Variants in KCNMA1 observed in about 807,000 individuals in gnomAD.
KCNMA1 encodes the protein potassium calcium-activated channel subfamily M alpha 1, also known as Calcium-activated potassium channel subunit alpha-1.
KCNMA1 carries 29 observed loss-of-function variants against 140.0 expected under a neutral mutation model. The ratio of observed to expected loss-of-function variants is 0.21; its 90% CI spans 0.15 to 0.28. The LOEUF (loss-of-function observed/expected upper bound fraction) is 0.28. KCNMA1 is among the 10% of genes least tolerant of loss of function. KCNMA1 has a pLI of 1.00. For missense variants in KCNMA1, 880 were observed against 1,602.2 expected, an observed-to-expected ratio of 0.55 and a Z score of 7.70; for synonymous variants, 612 against 611.9, an observed-to-expected ratio of 1.00 and a Z score of 0.00.
chr10:77,200,864 C>T (rs1217106581), intron 3 of KCNMA1, among the ~76,000 whole-genome samples: 2 of 152,150 alleles, frequency 1.3e-5, no homozygotes, highest in Non-Finnish European at 2.9e-5. Flanking sequence ...AGAAAAATTA[C>T]AGTGAACACT....
chr10:77,108,471 G>C lies in KCNMA1; in HGVS notation c.1223+10C>G, dbSNP rs778804771. 1 of 1,610,882 alleles carries C rather than the reference G, an allele frequency of 6.2e-7. No homozygotes were observed. The highest frequency in any genetic ancestry group is 1.1e-5 in the South Asian group (1 of 90,990). On this transcript the variant is annotated intron_variant, in intron 9 of 27. Transcript: ENST00000286628. This position sits in a 1 kb window ranked among gnomAD's most constrained non-coding sequence, Gnocchi z 4.6. Reference sequence around the variant, plus strand: ...GCAGCAGAGGCAGCAAAACCTCTTGGCATACTTACTTTCTTCCACTAACCG... The same window carrying C: ...GCAGCAGAGGCAGCAAAACCTCTTGCCATACTTACTTTCTTCCACTAACCG...
At chr10:77,520,175 GC>G (rs2052634804) in intron 1 of KCNMA1, among the ~76,000 whole-genome samples, 1 of 3,526 alleles carries the variant, frequency 2.8e-4, no homozygotes, top group East Asian at 7.6e-3. Context: ...CAGTGTGAGG[GC>G]TGGGGTATGC....
chr10:77,545,210 C>G (rs1394661602), intron 1 of KCNMA1, among the ~76,000 whole-genome samples: 2 of 152,222 alleles, frequency 1.3e-5, no homozygotes, highest in East Asian at 1.9e-4. Context: ...TCCCAACTCC[C>G]TGGGTTAACT....
At chr10:77,564,795 G>T (rs768853521) in intron 1 of KCNMA1, among the ~76,000 whole-genome samples, 2 of 152,174 alleles carry the variant, frequency 1.3e-5, no homozygotes, top group African/African-American at 2.4e-5. Flanking sequence ...ATAGCAGAGG[G>T]AAGACAAGCT....
chr10:76,923,402 C>G (rs1473722847), intron 23 of KCNMA1, among the ~76,000 whole-genome samples: 1 of 148,344 alleles, frequency 6.7e-6, no homozygotes, highest in Admixed American at 6.8e-5. Flanking sequence ...GCACTCCAGC[C>G]TGGGCAACAA....
intron 16 of KCNMA1, among the ~76,000 whole-genome samples, chr10:77,021,849 G>C (rs184229790): frequency 6.6e-6 from 1 of 152,308 alleles, no homozygotes; most frequent in Admixed American, 6.5e-5. Flanking sequence ...TCCAGTCCTT[G>C]AAATAATGAA....
chr10:77,546,302 C>T (rs1340774512), intron 1 of KCNMA1, among the ~76,000 whole-genome samples: 1 of 152,020 alleles, frequency 6.6e-6, no homozygotes, highest in Non-Finnish European at 1.5e-5. Context: ...CACTGAATTC[C>T]CAGCTCACTG....
At chr10:77,026,018 T>C (rs903857344) in intron 16 of KCNMA1, among the ~76,000 whole-genome samples, 11 of 148,960 alleles carry the variant, frequency 7.4e-5, no homozygotes, top group African/African-American at 2.5e-4. Context: ...TATATATATA[T>C]ACTAAAAACT....
chr10:77,610,291 AC>A (rs1311164765), intron 1 of KCNMA1, among the ~76,000 whole-genome samples: 1 of 152,086 alleles, frequency 6.6e-6, no homozygotes, highest in Non-Finnish European at 1.5e-5. Context: ...TGCACCCCCC[AC>A]CACACACACT....
Position 76,917,073 on chromosome 10 carries a change from C to T in KCNMA1, c.2903-2024G>A, listed in dbSNP as rs562516191. 1.2e-4 allele frequency among the ~76,000 whole-genome samples: 18 copies of T among 152,272 alleles called. No homozygotes were observed. The South Asian group carries it at 3.1e-3, about 26-fold the overall frequency. ...TCAGCCAACCACATAACCAAAAACA[C>T]GCATTTTTAAATGCTAGCTGTTTTC... On this transcript the variant is annotated intron_variant, in intron 23 of 27. Coordinates refer to ENST00000286628, the MANE Select transcript of KCNMA1 (RefSeq NM_001161352.2).
intron 1 of KCNMA1, among the ~76,000 whole-genome samples, chr10:77,618,923 C>T (rs1202275409): frequency 6.6e-6 from 1 of 152,136 alleles, no homozygotes; most frequent in African/African-American, 2.4e-5. Context: ...AAAGAGAAGT[C>T]CGGCAGTGTG....
In KCNMA1 at chr10:77,090,312, C is replaced by A. The variant is rs150050847; in HGVS notation, c.1334+88G>T. 4.3e-4 allele frequency: 404 copies of A among 944,354 alleles called. 2 individuals are homozygous for A. In the African/African-American group the frequency reaches 5.9e-3, roughly 14 times the overall value. The allele number at this position is 944,354 out of a possible 1,614,324, so 58.5% of individuals were successfully genotyped here. On this transcript the variant is annotated intron_variant, in intron 10 of 27. Coordinates refer to ENST00000286628, the MANE Select transcript of KCNMA1 (RefSeq NM_001161352.2). ...TGGCCCCATCCCCAGTGCCATTCCC[C>A]AAGACCTCCACTCTTACAGACATTC...
chr10:77,489,636 G>A (rs1351151668), intron 1 of KCNMA1, among the ~76,000 whole-genome samples: 3 of 152,134 alleles, frequency 2.0e-5, no homozygotes, highest in Non-Finnish European at 4.4e-5. Flanking sequence ...ACCGCGCCTG[G>A]CCTGGACAAC....
At chr10:77,636,393 C>T in intron 1 of KCNMA1, 1 of 1,535,894 alleles carries the variant, frequency 6.5e-7, no homozygotes, top group East Asian at 2.4e-5. Context: ...ATAGCTAAAG[C>T]CGACGACATC....
intron 1 of KCNMA1, among the ~76,000 whole-genome samples, chr10:77,498,163 C>T (rs189041786): frequency 8.9e-4 from 136 of 152,222 alleles, no homozygotes; most frequent in African/African-American, 3.0e-3. Flanking sequence ...CCCTGAGAAG[C>T]GGCAGGATGG....
chr10:77,541,749 CTAGGGAA>C (rs1401381551), intron 1 of KCNMA1, among the ~76,000 whole-genome samples: 18 of 152,246 alleles, frequency 1.2e-4, no homozygotes, highest in African/African-American at 4.3e-4. Context: ...GATAGAACAC[CTAGGGAA>C]CTCAAAGAAA....
chr10:77,455,745 G>A (rs1314051390), intron 1 of KCNMA1, among the ~76,000 whole-genome samples: 1 of 152,090 alleles, frequency 6.6e-6, no homozygotes, highest in Non-Finnish European at 1.5e-5. Flanking sequence ...GAAATGACCA[G>A]CCCCTGGGCC....
At chr10:77,371,108 C>T (rs1566343379) in intron 2 of KCNMA1, among the ~76,000 whole-genome samples, 1 of 152,198 alleles carries the variant, frequency 6.6e-6, no homozygotes, top group Non-Finnish European at 1.5e-5. Context: ...TAAAGACAGC[C>T]AGGAAAACAA....
At chr10:77,261,997 C>G (rs1353021610) in intron 2 of KCNMA1, among the ~76,000 whole-genome samples, 1 of 152,176 alleles carries the variant, frequency 6.6e-6, no homozygotes. Context: ...GAAGTTGCCA[C>G]TCACTGTCAC....
Sources: allele counts gnomAD v4.1 joint callset (sites outside exome capture counted in the v4.1 genomes callset), GRCh38; gene constraint gnomAD v4.1.1; non-coding constraint Gnocchi (gnomAD v3.1); transcripts MANE v1.5; gene names NCBI Gene and HGNC (gene_info 2026-07-23, HGNC 2026-07-21).